Variants in GOLPH3 observed in about 807,000 individuals in gnomAD.
GOLPH3 encodes the protein coat protein GPP34.
GOLPH3 carries 14 observed loss-of-function variants against 28.5 expected under a neutral mutation model. The ratio of observed to expected loss-of-function variants is 0.49; its 90% confidence interval spans 0.32 to 0.77. The LOEUF (loss-of-function observed/expected upper bound fraction) is 0.77, where lower values mean the gene tolerates loss of function less well. Among genes scored for constraint, GOLPH3 ranks in the 30% least tolerant of loss-of-function variants. GOLPH3 has a pLI of 0.03. For missense variants in GOLPH3, 350 were observed against 393.7 expected, an observed-to-expected ratio of 0.89 and a Z score of 0.94; for synonymous variants, 158 against 159.2, an observed-to-expected ratio of 0.99 and a Z score of 0.06.
At chr5:32,150,779 A>G (rs578157624) in intron 1 of GOLPH3, among the ~76,000 whole-genome samples, 23 of 152,286 alleles carry the variant, frequency 1.5e-4, no homozygotes, top group African/African-American at 5.3e-4. Context: ...CTGGTGCTGA[A>G]AAAGTTTTAG....
rs555451606 is a variant in GOLPH3 at position 32,156,338 on chromosome 5, T to C, written c.226-12458A>G. ...CTCAGCCATGATAAAACCCTGTCTCTAGTAAAAATAGAAAATGAGCCAGGT... is the reference window on the plus strand; with the variant it reads ...CTCAGCCATGATAAAACCCTGTCTCCAGTAAAAATAGAAAATGAGCCAGGT... On this transcript the variant is annotated intron_variant, in intron 1 of 3. Coordinates refer to ENST00000265070, the MANE Select transcript of GOLPH3 (RefSeq NM_022130.4). Among the ~76,000 whole-genome samples the C allele has an allele frequency of 5.3e-5, 8 of 151,978 alleles. No homozygotes were observed. The South Asian group carries it at 1.5e-3, about 28-fold the overall frequency.
intron 1 of GOLPH3, among the ~76,000 whole-genome samples, chr5:32,148,108 G>C (rs939674011): frequency 6.6e-6 from 1 of 152,136 alleles, no homozygotes; most frequent in South Asian, 2.1e-4. Context: ...GCAGCAAGCT[G>C]GACAATGTCC....
rs1581555090 is a variant in GOLPH3, at chr5:32,161,063, T to A, written c.225+12747A>T. Among the ~76,000 whole-genome samples, 3 of 38,128 alleles carry A rather than the reference T, an allele frequency of 7.9e-5. No individual in the cohort carries two copies. In the South Asian group the frequency reaches 5.1e-3, roughly 65 times the overall value. The allele number at this position is 38,128 out of a possible 152,430, so 25.0% of individuals were successfully genotyped here. ...GCCTGGGTGACAGAGCGAGACTCCG[T>A]CTCAAAAAAAAAAAAAAAAAAAAAA... On this transcript the variant is annotated intron_variant, in intron 1 of 3. Transcript: ENST00000265070.
At chr5:32,168,618 C>T (rs956550427) in intron 1 of GOLPH3, among the ~76,000 whole-genome samples, 1 of 152,128 alleles carries the variant, frequency 6.6e-6, no homozygotes, top group Admixed American at 6.6e-5. Context: ...AAAAACAGTG[C>T]CAACAGACCA....
At position 32,174,100 on chromosome 5, in the gene GOLPH3, C is replaced by A; in HGVS notation, c.-66G>T. On this transcript the variant is annotated 5_prime_UTR_variant, in exon 1 of 4. Coordinates refer to ENST00000265070, the MANE Select transcript of GOLPH3 (RefSeq NM_022130.4). The stretch of plus-strand genomic sequence containing the variant: ...GGACCGACCGGGTCGCCCTCCTCCT[C>A]CCCGCGCGGCCTCCGATCCGGGTTT... 9.1e-7 allele frequency: 1 copy of A among 1,100,384 alleles called. No homozygotes were observed. The highest frequency in any genetic ancestry group is 1.2e-6 in the Non-Finnish European group (1 of 868,616). 68.2% of individuals were successfully genotyped at this position (1,100,384 alleles called of 1,614,324 possible).
rs548399663 is a variant in GOLPH3, at chr5:32,142,764, C to T, written c.357+985G>A. ...GAGGTGAGGGGCGCCTCTGCCCGGC[C>T]GCCCCTACTGGGAAGTGAGGAGCCC... On this transcript the variant is annotated intron_variant, in intron 2 of 3. Transcript: ENST00000265070. Among the ~76,000 whole-genome samples the T allele has an allele frequency of 4.0e-4, 59 of 148,844 alleles. 2 individuals carry two copies. The highest frequency in any genetic ancestry group is 1.4e-3 in the African/African-American group (57 of 39,864).
chr5:32,141,866 G>A (rs1746070464), intron 2 of GOLPH3, among the ~76,000 whole-genome samples: 1 of 150,108 alleles, frequency 6.7e-6, no homozygotes. Flanking sequence ...GGCCTCCCGA[G>A]GTGCCGGGAT....
chr5:32,173,149 T>A (rs567324210), intron 1 of GOLPH3, among the ~76,000 whole-genome samples: 1 of 152,218 alleles, frequency 6.6e-6, no homozygotes, highest in Non-Finnish European at 1.5e-5. Context: ...GACTTTGAGA[T>A]TCATCAACTG....
In GOLPH3 at chr5:32,137,513, G is replaced by C. The variant is rs566434939; in HGVS notation, c.358-1827C>G. On this transcript the variant is annotated intron_variant, in intron 2 of 3. Transcript: ENST00000265070. Reference sequence around the variant, plus strand: ...GTCTCTACTAATAATACAAAAATTAGCCAGGTGTGGTGGCGCATGCCTGTA... The same window carrying C: ...GTCTCTACTAATAATACAAAAATTACCCAGGTGTGGTGGCGCATGCCTGTA... 7.9e-5 allele frequency among the ~76,000 whole-genome samples: 12 copies of C among 151,968 alleles called. No individual in the cohort carries two copies. The East Asian group carries it at 2.4e-3, about 30-fold the overall frequency.
intron 1 of GOLPH3, among the ~76,000 whole-genome samples, chr5:32,147,365 C>T (rs886873625): frequency 6.6e-6 from 1 of 151,690 alleles, no homozygotes; most frequent in African/African-American, 2.4e-5. Context: ...GTGCAGGAGG[C>T]GGAGGCTGCA....
chr5:32,150,466 A>AT, intron 1 of GOLPH3, among the ~76,000 whole-genome samples: 1 of 151,658 alleles, frequency 6.6e-6, no homozygotes, highest in Non-Finnish European at 1.5e-5. Flanking sequence ...AGATAGCAAC[A>AT]TATGTAGGGA....
Position 32,174,180 on chromosome 5 carries a change from G to A in GOLPH3, c.-146C>T, listed in dbSNP as rs1746921814. The A allele has an allele frequency of 2.2e-6, 1 of 456,930 alleles. No individual in the cohort carries two copies. The highest frequency in any genetic ancestry group is 6.0e-4 in the Middle Eastern group (1 of 1,654). 28.3% of individuals were successfully genotyped at this position (456,930 alleles called of 1,614,324 possible). On this transcript the variant is annotated 5_prime_UTR_variant, in exon 1 of 4. Coordinates refer to ENST00000265070, the MANE Select transcript of GOLPH3 (RefSeq NM_022130.4). The stretch of plus-strand genomic sequence containing the variant: ...TCCGTCGGCAGCAGGGCCGGGGGCA[G>A]TCATGAGGAAACAGGTCAGGGCGAA...
intron 1 of GOLPH3, among the ~76,000 whole-genome samples, chr5:32,167,165 T>G (rs1441024617): frequency 6.6e-6 from 1 of 152,118 alleles, no homozygotes; most frequent in Admixed American, 6.6e-5. Flanking sequence ...CAAAATACAA[T>G]TCTTTTGTTT....
intron 1 of GOLPH3, among the ~76,000 whole-genome samples, chr5:32,172,546 T>C (rs1163541408): frequency 6.6e-6 from 1 of 151,980 alleles, no homozygotes; most frequent in Non-Finnish European, 1.5e-5. Context: ...GGTATGAAAA[T>C]TAGCTGGGCA....
chr5:32,172,820 C>T (rs752229406), intron 1 of GOLPH3, among the ~76,000 whole-genome samples: 2 of 152,242 alleles, frequency 1.3e-5, no homozygotes, highest in African/African-American at 2.4e-5. Flanking sequence ...GAGATCGCGG[C>T]ATTGCACTCC....
intron 1 of GOLPH3, among the ~76,000 whole-genome samples, chr5:32,168,475 T>A (rs867267513): frequency 6.6e-6 from 1 of 152,206 alleles, no homozygotes; most frequent in Non-Finnish European, 1.5e-5. Flanking sequence ...AGAGTTAAGT[T>A]ACTGTATTAC....
intron 1 of GOLPH3, among the ~76,000 whole-genome samples, chr5:32,149,244 A>G (rs767416679): frequency 7.2e-5 from 11 of 152,246 alleles, no homozygotes; most frequent in Non-Finnish European, 1.3e-4. Flanking sequence ...CAAGACATAC[A>G]GAGACAGAGA....
At chr5:32,139,399 C>T (rs1192736653) in intron 2 of GOLPH3, among the ~76,000 whole-genome samples, 1 of 152,186 alleles carries the variant, frequency 6.6e-6, no homozygotes, top group Non-Finnish European at 1.5e-5. Flanking sequence ...GAACCAATCG[C>T]CCACAGATAC....
chr5:32,143,325 G>A (rs1746123657), intron 2 of GOLPH3, among the ~76,000 whole-genome samples: 1 of 151,584 alleles, frequency 6.6e-6, no homozygotes, highest in Admixed American at 6.6e-5. Context: ...GAAGGCCGCA[G>A]GGTCCTCTGC....
Sources: allele counts gnomAD v4.1 joint callset (sites outside exome capture counted in the v4.1 genomes callset), GRCh38; gene constraint gnomAD v4.1.1; transcripts MANE v1.5; gene names NCBI Gene and HGNC (gene_info 2026-07-23, HGNC 2026-07-21).